Variants in CAGE1 observed in about 807,000 individuals in gnomAD.
CAGE1 encodes cancer-associated gene 1 protein.
A neutral mutation model predicts 94.9 loss-of-function variants in CAGE1; 66 were observed. The observed-to-expected ratio is 0.70, with a 90% confidence interval of 0.57 to 0.85. CAGE1 has a LOEUF of 0.85. CAGE1 is among the 40% of genes least tolerant of loss of function. The pLI, the probability that CAGE1 is intolerant of heterozygous loss-of-function variation, is 0.00. For synonymous variants in CAGE1, 319 were observed against 321.0 expected, an observed-to-expected ratio of 0.99 and a Z score of 0.07; for missense variants, 865 against 950.4, an observed-to-expected ratio of 0.91 and a Z score of 1.18.
rs369158583 is a variant in CAGE1 at position 7,373,481 on chromosome 6, G to A, written c.1338C>T (p.Ser446=). ...SQYLEMDKTL[S]KKEEEVERLQ... ...GTCTCTCTACCTCTTCTTCTTTCTT[G>A]CTTAAGGTTTTGTCCATCTCTAAAT... Residue 446 remains serine, a synonymous_variant, in exon 5 of 14, where the codon AGC becomes AGT. Coordinates refer to ENST00000502583, the MANE Select transcript of CAGE1 (RefSeq NM_001170692.2). 1.1e-5 allele frequency: 18 copies of A among 1,613,540 alleles called. No homozygotes were observed. In the African/African-American group the frequency reaches 1.9e-4, roughly 17 times the overall value.
At chr6:7,354,957 G>T in intron 11 of CAGE1, 84 bp downstream of exon 11, 2 of 962,970 alleles carry the variant, frequency 2.1e-6, no homozygotes, top group Non-Finnish European at 3.2e-6. Context: ...TTCTTTCTAG[G>T]AGTCTGAAAA....
In CAGE1 at chr6:7,339,157, C is replaced by A; in HGVS notation, c.2370-5067G>T. 6.6e-7 allele frequency: 1 copy of A among 1,525,412 alleles called. No individual in the cohort carries two copies. The highest frequency in any genetic ancestry group is 9.1e-7 in the Non-Finnish European group (1 of 1,100,596). The allele number at this position is 1,525,412 out of a possible 1,614,324, so 94.5% of individuals were successfully genotyped here. On this transcript the variant is annotated intron_variant, in intron 11 of 13. Transcript: ENST00000502583. The surrounding 1 kb of genome is among the most constrained non-coding windows in gnomAD (Gnocchi z 4.7). ...CTCTGTCCTCAGAGTTTCCCAGACA[C>A]CACGACCTCACAGCCTTTGGCCCCA...
chr6:7,353,167 A>T (rs1253475537), intron 11 of CAGE1, among the ~76,000 whole-genome samples: 1 of 152,240 alleles, frequency 6.6e-6, no homozygotes, highest in East Asian at 1.9e-4. Context: ...AATATCCAGA[A>T]TCTATAAGGA....
intron 7 of CAGE1, 21 bp from the exon 8 acceptor site, chr6:7,365,905 T>C (rs1316685272): frequency 1.5e-6 from 2 of 1,346,790 alleles, no homozygotes; most frequent in Admixed American, 5.0e-5. Context: ...GAAAACATTC[T>C]GTATTTTAGA....
rs1392661986 is a variant in CAGE1 at position 7,389,293 on chromosome 6, C to CATAGTTTCTTG, written c.-126_-116dup. The stretch of plus-strand genomic sequence containing the variant: ...CAAAAGTGTGCTCACTTCCAGGATC[C>CATAGTTTCTTG]ATAGTTTCTTGGACCCACGCTACGG... On this transcript the variant is annotated 5_prime_UTR_variant, in exon 1 of 14. The change creates a new upstream start codon in the 5' untranslated region. Coordinates refer to ENST00000502583, the MANE Select transcript of CAGE1 (RefSeq NM_001170692.2). 1.3e-5 allele frequency: 6 copies of CATAGTTTCTTG among 456,178 alleles called. No individual in the cohort carries two copies. The highest frequency in any genetic ancestry group is 2.0e-5 in the African/African-American group (1 of 50,084). 28.3% of individuals were successfully genotyped at this position (456,178 alleles called of 1,614,324 possible). A position where few individuals can be genotyped will look rare whatever the true frequency, so the allele number is the denominator to read the frequency against.
intron 7 of CAGE1, 45 bp from the exon 8 acceptor site, chr6:7,365,929 TACG>T: frequency 9.2e-7 from 1 of 1,081,728 alleles, no homozygotes; most frequent in Non-Finnish European, 1.3e-6. Flanking sequence ...AAAATACAAC[TACG>T]CTCTAATATT....
At chr6:7,359,089 C>CAGGCTGGAG (rs1459801552) in intron 9 of CAGE1, among the ~76,000 whole-genome samples, 3 of 152,052 alleles carry the variant, frequency 2.0e-5, no homozygotes, top group Admixed American at 6.6e-5. Context: ...TCTTGTTGCC[C>CAGGCTGGAG]AGGCTGGAGT....
intron 11 of CAGE1, among the ~76,000 whole-genome samples, chr6:7,346,138 C>T (rs571103559): frequency 2.6e-5 from 4 of 152,246 alleles, no homozygotes; most frequent in East Asian, 3.9e-4. Context: ...AATGGCTACT[C>T]CGTAGGCAAA....
chr6:7,338,032 C>A (rs1759025408), intron 11 of CAGE1, among the ~76,000 whole-genome samples: 1 of 152,118 alleles, frequency 6.6e-6, no homozygotes, highest in Non-Finnish European at 1.5e-5. Context: ...GAGTCTTTTA[C>A]ATACTTTCGC....
intron 13 of CAGE1, among the ~76,000 whole-genome samples, chr6:7,328,880 GTGT>G (rs1758624944): frequency 1.9e-5 from 1 of 53,262 alleles, no homozygotes; most frequent in Non-Finnish European, 3.6e-5. Flanking sequence ...ATAAGTGTGT[GTGT>G]GTGTGTGTGT....
At chr6:7,329,290 C>A (rs987250548) in intron 13 of CAGE1, 2 of 377,018 alleles carry the variant, frequency 5.3e-6, no homozygotes. Flanking sequence ...AAAAAAAAAT[C>A]GCTTGCTTAG....
intron 11 of CAGE1, chr6:7,341,533 A>T: frequency 1.6e-6 from 2 of 1,226,712 alleles, no homozygotes; most frequent in Non-Finnish European, 2.4e-6. Flanking sequence ...CTGAGGGTTG[A>T]TTAGCACAAG....
At chr6:7,384,783 C>T (rs550965637) in intron 3 of CAGE1, among the ~76,000 whole-genome samples, 1 of 151,736 alleles carries the variant, frequency 6.6e-6, no homozygotes, top group Non-Finnish European at 1.5e-5. Context: ...GGCGTGATCT[C>T]GGCTCACTGC....
chr6:7,333,891 C>A, intron 12 of CAGE1, 131 bp downstream of exon 12: 1 of 547,306 alleles, frequency 1.8e-6, no homozygotes, highest in South Asian at 1.9e-5. Context: ...TGGTCTCGAA[C>A]TCCTGACCTC....
chr6:7,330,713 G>C (rs1441810389), intron 12 of CAGE1, among the ~76,000 whole-genome samples: 2 of 152,290 alleles, frequency 1.3e-5, no homozygotes, highest in African/African-American at 4.8e-5. Context: ...CACAGAGGGT[G>C]GTGGCTGAAA....
intron 13 of CAGE1, 136 bp downstream of exon 13, chr6:7,329,713 C>G (rs1758678707): frequency 1.8e-6 from 1 of 552,140 alleles, no homozygotes; most frequent in Non-Finnish European, 3.3e-6. Flanking sequence ...CGGAAGAGCC[C>G]TCATCTGAAG....
chr6:7,358,025 G>GAAATATATATATATATATAT (rs1491488344), intron 9 of CAGE1, among the ~76,000 whole-genome samples: 2 of 20,294 alleles, frequency 9.9e-5, no homozygotes, highest in African/African-American at 1.6e-4. Context: ...GGTAAGTTTT[G>GAAATATATATATATATATAT]AGATATATAT....
intron 11 of CAGE1, among the ~76,000 whole-genome samples, chr6:7,335,649 A>G (rs1758929418): frequency 6.6e-6 from 1 of 152,248 alleles, no homozygotes. Flanking sequence ...GTGCAATCAC[A>G]GCTCACTGCA....
intron 4 of CAGE1, among the ~76,000 whole-genome samples, chr6:7,375,562 C>A (rs1760709809): frequency 6.6e-6 from 1 of 152,026 alleles, no homozygotes; most frequent in African/African-American, 2.4e-5. Context: ...CACAGTGATA[C>A]CCTATCTCTT....
Sources: gnomAD v4.1 joint callset for allele counts (sites outside exome capture counted in the v4.1 genomes callset) on GRCh38, gnomAD v4.1.1 for gene constraint, Gnocchi (gnomAD v3.1) non-coding constraint, MANE v1.5 for transcripts, NCBI Gene and HGNC (gene_info 2026-07-23, HGNC 2026-07-21) for gene names.